Variants in DIS3L2 observed in about 807,000 individuals in gnomAD.
DIS3L2 encodes DIS3-like exonuclease 2.
A neutral mutation model predicts 97.5 loss-of-function variants in DIS3L2; 34 were observed. The observed-to-expected ratio is 0.35, with a 90% CI of 0.27 to 0.46. The LOEUF (loss-of-function observed/expected upper bound fraction) is 0.46, where lower values mean the gene tolerates loss of function less well. Ranked by LOEUF, DIS3L2 falls within the 20% of genes least tolerant of loss-of-function variation. The pLI, the probability that DIS3L2 is intolerant of heterozygous loss-of-function variation, is 1.00. For synonymous variants in DIS3L2, 435 were observed against 445.2 expected (o/e 0.98, Z 0.29); for missense variants, 1,038 against 1,146.0 (o/e 0.91, Z 1.36).
rs1287877542 is a variant in DIS3L2, at chr2:232,330,768, C to T, written c.2002C>T (p.Pro668Ser). 1.2e-6 allele frequency: 2 copies of T among 1,611,178 alleles called. No homozygotes were observed. The highest frequency in any genetic ancestry group is 1.3e-5 in the African/African-American group (1 of 74,950). ...GGTGCTCACCAACATGTGCTCCCGGCCCATGCAGGTAAGGAGGGCCCAGCC... is the reference window on the plus strand; with the variant it reads ...GGTGCTCACCAACATGTGCTCCCGGTCCATGCAGGTAAGGAGGGCCCAGCC... ...KEVLTNMCSR[P>S]MQMALYFCSG... Residue 668 changes from proline (P) to serine (S), a missense_variant, in exon 16 of 21, where the codon CCC becomes TCC. Pro to Ser is a moderately conservative substitution (Grantham distance 74, BLOSUM62 -1). This residue lies in a region of DIS3L2 where 813 missense variants were observed against 880.1 expected (regional missense o/e 0.92). Coordinates refer to ENST00000325385, the MANE Select transcript of DIS3L2 (RefSeq NM_152383.5).
At chr2:232,126,844 C>T (rs1462415886) in intron 6 of DIS3L2, among the ~76,000 whole-genome samples, 4 of 152,190 alleles carry the variant, frequency 2.6e-5, no homozygotes, top group Non-Finnish European at 4.4e-5. Flanking sequence ...CTGTTAATAG[C>T]TACAGTAAAT....
chr2:232,331,191 C>T (rs559114599), intron 16 of DIS3L2, among the ~76,000 whole-genome samples: 41 of 152,372 alleles, frequency 2.7e-4, no homozygotes, highest in Non-Finnish European at 5.0e-4. Flanking sequence ...GGGAAAGAAG[C>T]GGACTTGGCC....
At chr2:232,329,785 T>TCCCCGGGGGGGGGGGCCCCCC in intron 14 of DIS3L2, 28 bp from the exon 15 acceptor site, 2 of 967,138 alleles carry the variant, frequency 2.1e-6, no homozygotes, top group Non-Finnish European at 2.9e-6. Context: ...ACCCCAGCGG[T>TCCCCGGGGGGGGGGGCCCCCC]CCCTCCCATC....
At chr2:232,326,382 G>A (rs1695575482) in intron 14 of DIS3L2, among the ~76,000 whole-genome samples, 1 of 151,570 alleles carries the variant, frequency 6.6e-6, no homozygotes, top group Admixed American at 6.6e-5. Flanking sequence ...GTGCAACTCT[G>A]GCTGCTGGCA....
intron 1 of DIS3L2, among the ~76,000 whole-genome samples, chr2:231,972,545 C>T (rs1692950813): frequency 1.3e-5 from 2 of 151,964 alleles, no homozygotes; most frequent in South Asian, 4.2e-4. Flanking sequence ...TAAAAGTAAC[C>T]TTTCTTTTTT....
intron 1 of DIS3L2, among the ~76,000 whole-genome samples, chr2:232,010,938 T>G (rs1350937583): frequency 6.6e-6 from 1 of 152,264 alleles, no homozygotes; most frequent in South Asian, 2.1e-4. Context: ...GCCTTTGCTA[T>G]GTACTCTGCA....
intron 8 of DIS3L2, among the ~76,000 whole-genome samples, chr2:232,158,194 T>C (rs530481694): frequency 5.9e-5 from 9 of 152,162 alleles, no homozygotes; most frequent in Non-Finnish European, 1.3e-4. Flanking sequence ...TCAGAGACCA[T>C]CCCTTACAAT....
rs1423566457 is a variant in DIS3L2, at chr2:232,145,854, G to A, written c.950+9135G>A. Among the ~76,000 whole-genome samples, 28 of 152,156 alleles carry A rather than the reference G, an allele frequency of 1.8e-4. 1 individual carries two copies. The highest frequency in any genetic ancestry group is 1.8e-3 in the Admixed American group (28 of 15,260). ...TGTGTTGGACACCAAAGGCATACAA[G>A]TCTCAGTGGTACACAGAAATAAAGA... On this transcript the variant is annotated intron_variant, in intron 8 of 20. Transcript: ENST00000325385.
intron 16 of DIS3L2, chr2:232,331,635 C>T (rs1695740404): frequency 1.3e-5 from 2 of 152,160 alleles, no homozygotes; most frequent in East Asian, 1.9e-4. Flanking sequence ...GGGGCTGGGC[C>T]GTGCCCACTG....
intron 8 of DIS3L2, among the ~76,000 whole-genome samples, chr2:232,144,718 C>T (rs959159280): frequency 6.6e-6 from 1 of 152,084 alleles, no homozygotes; most frequent in Non-Finnish European, 1.5e-5. Flanking sequence ...TCCAGAATCC[C>T]GTAATACAGT....
intron 11 of DIS3L2, among the ~76,000 whole-genome samples, chr2:232,242,473 C>T (rs1198038841): frequency 6.6e-6 from 1 of 152,190 alleles, no homozygotes; most frequent in East Asian, 1.9e-4. Context: ...CTGGCTCCCA[C>T]ATCACTGCTA....
intron 6 of DIS3L2, among the ~76,000 whole-genome samples, chr2:232,114,885 T>G (rs1697653505): frequency 6.6e-6 from 1 of 152,168 alleles, no homozygotes; most frequent in African/African-American, 2.4e-5. Flanking sequence ...TTCTTACAGT[T>G]ATGGAGTATA....
intron 8 of DIS3L2, among the ~76,000 whole-genome samples, chr2:232,162,262 TG>T (rs1178074772): frequency 6.6e-6 from 1 of 152,190 alleles, no homozygotes; most frequent in Non-Finnish European, 1.5e-5. Flanking sequence ...CCACATCATA[TG>T]GGAGGAGCCC....
intron 14 of DIS3L2, among the ~76,000 whole-genome samples, chr2:232,300,563 A>C (rs115269553): frequency 0.011 from 1,725 of 151,842 alleles, 30 homozygotes; most frequent in African/African-American, 0.039. Flanking sequence ...ATTTCCGGGT[A>C]CTTACAGAGA....
At chr2:231,969,443 T>C (rs1176510289) in intron 1 of DIS3L2, among the ~76,000 whole-genome samples, 1 of 151,846 alleles carries the variant, frequency 6.6e-6, no homozygotes, top group Non-Finnish European at 1.5e-5. Flanking sequence ...CCTGAGTAGC[T>C]GGGATTACAG....
intron 13 of DIS3L2, among the ~76,000 whole-genome samples, chr2:232,270,855 TTCTCGTCTCTC>T (rs1199842017): frequency 1.4e-5 from 2 of 139,122 alleles, no homozygotes. Context: ...CGCTCTCTTT[TTCTCGTCTCTC>T]TCTCTCTCTC....
At chr2:232,229,108 C>G (rs1692723847) in intron 10 of DIS3L2, among the ~76,000 whole-genome samples, 1 of 152,290 alleles carries the variant, frequency 6.6e-6, no homozygotes, top group Non-Finnish European at 1.5e-5. Flanking sequence ...TGTTTTAAAA[C>G]TTTGAGCTAG....
chr2:232,088,320 G>A (rs1696728345), intron 6 of DIS3L2, among the ~76,000 whole-genome samples: 1 of 150,976 alleles, frequency 6.6e-6, no homozygotes, highest in Admixed American at 6.6e-5. Flanking sequence ...GCCGAGGTGG[G>A]CGGATCACGA....
chr2:232,116,830 AAAG>A (rs1031469480), intron 6 of DIS3L2, among the ~76,000 whole-genome samples: 17 of 57,444 alleles, frequency 3.0e-4, no homozygotes, highest in Non-Finnish European at 5.1e-4. Flanking sequence ...AAACAAACAA[AAAG>A]AACAACAACA....
Sources: allele counts gnomAD v4.1 joint callset (sites outside exome capture counted in the v4.1 genomes callset), GRCh38; gene constraint gnomAD v4.1.1; regional missense constraint gnomAD v4.1.1; transcripts MANE v1.5; gene names NCBI Gene and HGNC (gene_info 2026-07-23, HGNC 2026-07-21).